Variants in IGSF9B observed in about 807,000 individuals in gnomAD.
The protein encoded by IGSF9B is immunoglobulin superfamily member 9B.
In IGSF9B, 48 loss-of-function variants were observed where a neutral mutation model predicts 143.7. The ratio of observed to expected loss-of-function variants is 0.33; its 90% CI spans 0.26 to 0.42. The LOEUF (loss-of-function observed/expected upper bound fraction) is 0.42, where lower values mean the gene tolerates loss of function less well. Ranked by LOEUF, IGSF9B falls within the 20% of genes least tolerant of loss-of-function variation. The pLI is 1.00. For synonymous variants in IGSF9B, 903 were observed against 833.1 expected, an observed-to-expected ratio of 1.08 and a Z score of -1.44; for missense variants, 1,706 against 1,980.0, an observed-to-expected ratio of 0.86 and a Z score of 2.63.
intron 1 of IGSF9B, among the ~76,000 whole-genome samples, chr11:133,952,564 C>T (rs765456880): frequency 1.2e-4 from 19 of 152,342 alleles, no homozygotes; most frequent in Non-Finnish European, 2.5e-4. Flanking sequence ...CACTCAAGCA[C>T]TTGTGGGCAG....
At chr11:133,927,200 G>A (rs537973767) in intron 12 of IGSF9B, 109 bp from the exon 13 acceptor site, 26 of 869,354 alleles carry the variant, frequency 3.0e-5, no homozygotes, top group South Asian at 5.3e-5. Context: ...TGGGCCTGGC[G>A]TTCCTAGGTT....
At position 133,905,267 on chromosome 11, in the gene IGSF9B, T is replaced by C. The variant is rs1939194059; in HGVS notation, c.*3802A>G. Among the ~76,000 whole-genome samples the C allele has an allele frequency of 6.6e-6, 1 of 151,542 alleles. No homozygotes were observed. The highest frequency in any genetic ancestry group is 1.5e-5 in the Non-Finnish European group (1 of 67,904). On this transcript the variant is annotated 3_prime_UTR_variant, in exon 20 of 20. Transcript: ENST00000533871. This position sits in a 1 kb window ranked among gnomAD's most constrained non-coding sequence, Gnocchi z 4.0. Reference sequence around the variant, plus strand: ...CCCACCCCCAAGCCTGGAAAAGGCTTTTGCTAACAAAATAGGAAGAAACAG... The same window carrying C: ...CCCACCCCCAAGCCTGGAAAAGGCTCTTGCTAACAAAATAGGAAGAAACAG...
In IGSF9B at chr11:133,906,038, A is replaced by G. The variant is rs1163024565; in HGVS notation, c.*3031T>C. The stretch of plus-strand genomic sequence containing the variant: ...GGCAGACAGACATCTGAGACACAGA[A>G]GCAGGTTTACATCTGAGTCGTGTCT... On this transcript the variant is annotated 3_prime_UTR_variant, in exon 20 of 20. Transcript: ENST00000533871. Among the ~76,000 whole-genome samples the G allele has an allele frequency of 6.6e-6, 1 of 151,438 alleles. No homozygotes were observed. Among genetic ancestry groups the G allele is most frequent in the Non-Finnish European group, 1.5e-5 (1 of 67,998 alleles).
rs1203514550 is a variant in IGSF9B at position 133,948,411 on chromosome 11, C to T, written c.65-2153G>A. 6.6e-6 allele frequency among the ~76,000 whole-genome samples: 1 copy of T among 152,094 alleles called. No homozygotes were observed. Among genetic ancestry groups the T allele is most frequent in the East Asian group, 1.9e-4 (1 of 5,168 alleles). On this transcript the variant is annotated intron_variant, in intron 1 of 19. Coordinates refer to ENST00000533871, the MANE Select transcript of IGSF9B (RefSeq NM_001277285.4). The surrounding 1 kb of genome is among the most constrained non-coding windows in gnomAD (Gnocchi z 4.7). ...GAGGCCCCAGCATGCTTCCCAATTT[C>T]CCCCACCCCCAACCTTGCTTCAGGC... is the stretch of plus-strand genomic sequence containing the variant.
In IGSF9B at chr11:133,900,600, T is replaced by A. The variant is rs1163516986; in HGVS notation, c.*8469A>T. 6.6e-6 allele frequency: 1 copy of A among 152,622 alleles called. No homozygotes were observed. The highest frequency in any genetic ancestry group is 2.4e-5 in the African/African-American group (1 of 41,426). The allele number at this position is 152,622 out of a possible 1,614,324, so 9.5% of individuals were successfully genotyped here. A position where few individuals can be genotyped will look rare whatever the true frequency, so the allele number is the denominator to read the frequency against. On this transcript the variant is annotated 3_prime_UTR_variant, in exon 20 of 20. Transcript: ENST00000533871. ...CTGGAGGCCAGAAGGAAGGTTCCAC[T>A]AAGACCCCCTCTCCCAGGCCGGCCC...
chr11:133,937,516 G>A (rs1335855810), intron 4 of IGSF9B, 23 bp from the exon 5 acceptor site: 2 of 1,581,308 alleles, frequency 1.3e-6, no homozygotes, highest in Admixed American at 1.7e-5. Flanking sequence ...AACAGAGGGA[G>A]CTCAGCACCC....
At chr11:133,936,295 A>G in intron 5 of IGSF9B, 101 bp from the exon 6 acceptor site, 1 of 1,055,378 alleles carries the variant, frequency 9.5e-7, no homozygotes, top group Non-Finnish European at 1.4e-6. Flanking sequence ...CGGTGCCCTG[A>G]ACACTGCGAT....
chr11:133,939,529 G>T (rs1033695381), intron 3 of IGSF9B, among the ~76,000 whole-genome samples: 1 of 152,232 alleles, frequency 6.6e-6, no homozygotes, highest in Non-Finnish European at 1.5e-5. Flanking sequence ...ATGAACGAAA[G>T]AATGAAACAA....
chr11:133,920,148 G>A lies in IGSF9B; in HGVS notation c.3577C>T (p.Gln1193Ter). ...AGCCGGGAGGGCTGTAGCACCACTT[G>A]ATGTAAACTGGGCTCGGCGCGCCTG... is the stretch of plus-strand genomic sequence containing the variant. Reference protein sequence around the residue: ...QARRAEPSLHQVVLQPSRLSP... With the variant: ...QARRAEPSLH The change falls in exon 18 of 20, where the codon CAA (glutamine) becomes TAA (stop). Residue 1193 changes from glutamine (Q) to a stop codon, truncating the protein, a stop_gained. Transcript: ENST00000533871. LOFTEE classifies it high-confidence loss of function. 1 of 1,510,366 alleles carries A rather than the reference G, an allele frequency of 6.6e-7. No homozygotes were observed. Among genetic ancestry groups the A allele is most frequent in the Non-Finnish European group, 8.9e-7 (1 of 1,129,182 alleles). The allele number at this position is 1,510,366 out of a possible 1,614,324, so 93.6% of individuals were successfully genotyped here. A position where few individuals can be genotyped will look rare whatever the true frequency, so the allele number is the denominator to read the frequency against.
chr11:133,944,194 G>A, intron 3 of IGSF9B, 26 bp downstream of exon 3: 1 of 1,575,944 alleles, frequency 6.3e-7, no homozygotes, highest in South Asian at 1.2e-5. Flanking sequence ...TGGTGAGGTG[G>A]ACCCACCCTG....
rs911899900 is a variant in IGSF9B, at chr11:133,907,701, G to A, written c.*1368C>T. ...CCAGACTTTGGCAGAGGAAGAGTCA[G>A]TGCCCAGACCCTACTCACCACCCCT... On this transcript the variant is annotated 3_prime_UTR_variant, in exon 20 of 20. Coordinates refer to ENST00000533871, the MANE Select transcript of IGSF9B (RefSeq NM_001277285.4). Among the ~76,000 whole-genome samples, 49 of 152,330 alleles carry A rather than the reference G, an allele frequency of 3.2e-4. No homozygotes were observed. The highest frequency in any genetic ancestry group is 1.0e-3 in the African/African-American group (43 of 41,586).
chr11:133,913,271 G>C lies in IGSF9B; in HGVS notation c.3984-1264C>G, dbSNP rs1279920256. ...AGTCCTGATTAAAAGAGGTAGGACA[G>C]ACAATGCTGTGAGGGCAAAAGAAGA... On this transcript the variant is annotated intron_variant, in intron 18 of 19. Transcript: ENST00000533871. The surrounding 1 kb of genome is among the most constrained non-coding windows in gnomAD (Gnocchi z 4.6). Among the ~76,000 whole-genome samples the C allele has an allele frequency of 2.6e-5, 4 of 152,066 alleles. No homozygotes were observed. Among genetic ancestry groups the C allele is most frequent in the Admixed American group, 2.6e-4 (4 of 15,260 alleles).
At chr11:133,918,048 G>T (rs1364321943) in intron 18 of IGSF9B, among the ~76,000 whole-genome samples, 3 of 151,974 alleles carry the variant, frequency 2.0e-5, no homozygotes, top group African/African-American at 7.2e-5. Context: ...CATGGGGACG[G>T]GGGGTGGGGG....
Position 133,908,563 on chromosome 11 carries a change from C to T in IGSF9B, c.*506G>A, listed in dbSNP as rs1939247707. 6.8e-6 allele frequency: 1 copy of T among 147,338 alleles called. No homozygotes were observed. Among genetic ancestry groups the T allele is most frequent in the Admixed American group, 6.9e-5 (1 of 14,558 alleles). The allele number at this position is 147,338 out of a possible 1,614,324, so 9.1% of individuals were successfully genotyped here. ...CCACTGACCACAGAGAGCAACAGCA[C>T]TTTGCCTCAATGTACATATATATAT... On this transcript the variant is annotated 3_prime_UTR_variant, in exon 20 of 20. Transcript: ENST00000533871.
intron 1 of IGSF9B, among the ~76,000 whole-genome samples, chr11:133,954,634 T>A (rs1041072314): frequency 9.9e-5 from 15 of 152,212 alleles, no homozygotes; most frequent in African/African-American, 3.6e-4. Flanking sequence ...ATTGGCACAT[T>A]TTCTATTGAA....
In IGSF9B at chr11:133,905,610, G is replaced by A. The variant is rs1314163970; in HGVS notation, c.*3459C>T. Among the ~76,000 whole-genome samples, 15 of 152,326 alleles carry A rather than the reference G, an allele frequency of 9.8e-5. No individual in the cohort carries two copies. The highest frequency in any genetic ancestry group is 3.4e-3 in the Middle Eastern group (1 of 294). ...GGCTTCAGTCTTCCCCCAAGCGCAT[G>A]GTTGTGGGACTAAGCACCTCAAAGG... is the stretch of plus-strand genomic sequence containing the variant. On this transcript the variant is annotated 3_prime_UTR_variant, in exon 20 of 20. Transcript: ENST00000533871. This position sits in a 1 kb window ranked among gnomAD's most constrained non-coding sequence, Gnocchi z 4.0.
rs1939326139 is a variant in IGSF9B at position 133,913,130 on chromosome 11, C to T, written c.3984-1123G>A. On this transcript the variant is annotated intron_variant, in intron 18 of 19. Coordinates refer to ENST00000533871, the MANE Select transcript of IGSF9B (RefSeq NM_001277285.4). The surrounding 1 kb of genome is among the most constrained non-coding windows in gnomAD (Gnocchi z 4.6). ...GTCTTCCCACCAGCGCTGGCATTAG[C>T]ACGTGATCAGAGAAGCAGGGACGCT... is the stretch of plus-strand genomic sequence containing the variant. Among the ~76,000 whole-genome samples, 2 of 152,150 alleles carry T rather than the reference C, an allele frequency of 1.3e-5. No homozygotes were observed. Among genetic ancestry groups the T allele is most frequent in the South Asian group, 4.2e-4 (2 of 4,818 alleles).
chr11:133,934,200 C>T (rs1939782342), intron 7 of IGSF9B, among the ~76,000 whole-genome samples: 1 of 152,160 alleles, frequency 6.6e-6, no homozygotes, highest in Admixed American at 6.5e-5. Context: ...AACATGTCTC[C>T]AGAAAGACAG....
intron 18 of IGSF9B, 120 bp from the exon 19 acceptor site, chr11:133,912,127 C>T (rs1939310777): frequency 3.4e-6 from 4 of 1,186,950 alleles, no homozygotes; most frequent in Non-Finnish European, 4.7e-6. Context: ...CCTACAGAGC[C>T]CAAGGTGCCC....
Sources: gnomAD v4.1 joint callset for allele counts (sites outside exome capture counted in the v4.1 genomes callset) on GRCh38, gnomAD v4.1.1 for gene constraint, Gnocchi (gnomAD v3.1) non-coding constraint, MANE v1.5 for transcripts, NCBI Gene and HGNC (gene_info 2026-07-23, HGNC 2026-07-21) for gene names.